PNLIPRP1: variants seen among roughly 807,000 people sequenced by gnomAD.
The protein encoded by PNLIPRP1 is pancreatic lipase related protein 1, also known as inactive pancreatic lipase-related protein 1.
A neutral mutation model predicts 54.6 loss-of-function variants in PNLIPRP1; 57 were observed. That is an observed-to-expected ratio of 1.04 (90% confidence interval 0.84 to 1.30). The LOEUF is 1.30. Among genes scored for constraint, PNLIPRP1 ranks in the 50% most tolerant of loss-of-function variants. The pLI is 0.00. For synonymous variants in PNLIPRP1, 232 were observed against 208.8 expected (o/e 1.11, Z -0.96); for missense variants, 567 against 568.5 (o/e 1.00, Z 0.03).
chr10:116,605,442 T>A lies in PNLIPRP1; in HGVS notation c.1229T>A (p.Val410Asp), dbSNP rs555905474. 1 of 1,611,820 alleles carries A rather than the reference T, an allele frequency of 6.2e-7. No homozygotes were observed. The highest frequency in any genetic ancestry group is 2.2e-5 in the East Asian group (1 of 44,830). The change falls in exon 12 of 13, where the codon GTT (valine) becomes GAT (aspartate). Residue 410 changes from valine to aspartate, a missense_variant. By Grantham distance (152) the Val-to-Asp change is radical. Transcript: ENST00000358834. ...TATGAGTTTGATGCAAAGCTGGATG[T>A]TGGAACAATTGAGAAAGTCAAGTTT... ...HSYEFDAKLD[V>D]GTIEKVKFLW...
chr10:116,600,237 T>C, intron 9 of PNLIPRP1, 72 bp downstream of exon 9: 1 of 942,164 alleles, frequency 1.1e-6, no homozygotes, highest in Admixed American at 1.8e-5. Context: ...GCGTTTGGGA[T>C]TTGCAATGCC....
At chr10:116,606,598 A>G (rs1279221469) in intron 12 of PNLIPRP1, among the ~76,000 whole-genome samples, 2 of 152,174 alleles carry the variant, frequency 1.3e-5, no homozygotes, top group African/African-American at 4.8e-5. Context: ...TGTGTGGTTA[A>G]AAACATGTCA....
chr10:116,591,609 G>A (rs7904002), intron 2 of PNLIPRP1, among the ~76,000 whole-genome samples, 162 bp from the exon 3 acceptor site: 27,312 of 152,074 alleles, frequency 0.18, 3,144 homozygotes, highest in African/African-American at 0.32. Context: ...CCAGTAGTAG[G>A]TGGGCACTGG....
At chr10:116,608,561 T>G (rs1847974630) in intron 12 of PNLIPRP1, among the ~76,000 whole-genome samples, 1 of 152,244 alleles carries the variant, frequency 6.6e-6, no homozygotes, top group South Asian at 2.1e-4. Context: ...CAGTTTCCTC[T>G]CCTGTAATGT....
chr10:116,591,071 C>A, intron 1 of PNLIPRP1, 59 bp from the exon 2 acceptor site: 1 of 1,363,270 alleles, frequency 7.3e-7, no homozygotes, highest in South Asian at 1.2e-5. Context: ...TCCAGGGCGT[C>A]GGTGCTCACT....
At position 116,591,788 on chromosome 10, in the gene PNLIPRP1, G is replaced by A. The variant is rs1236821563; in HGVS notation, c.67G>A (p.Glu23Lys). 2 of 1,614,176 alleles carry A rather than the reference G, an allele frequency of 1.2e-6. No individual in the cohort carries two copies. Among genetic ancestry groups the A allele is most frequent in the Non-Finnish European group, 1.7e-6 (2 of 1,180,040 alleles). Reference protein sequence around the residue: ...GAAKGKEVCYEDLGCFSDTEP... With the variant: ...GAAKGKEVCYKDLGCFSDTEP... ...CTCTGTAGGAAAAGAAGTTTGCTAT[G>A]AGGACCTCGGGTGCTTTTCTGACAC... Residue 23 changes from glutamate (E) to lysine (K), a missense_variant, in exon 3 of 13, where the codon GAG becomes AAG. Physicochemically the swap from Glu to Lys is moderately conservative, Grantham distance 56 (BLOSUM62 1). Transcript: ENST00000358834.
chr10:116,605,419 T>C lies in PNLIPRP1; in HGVS notation c.1206T>C (p.Tyr402=), dbSNP rs17095009. Residue 402 remains tyrosine (Y), a synonymous_variant, in exon 12 of 13, where the codon TAT becomes TAC. Transcript: ENST00000358834. ...GILKPGSTHS[Y]EFDAKLDVGT... Reference sequence around the variant, plus strand: ...TCAAACCAGGCTCAACCCATTCCTATGAGTTTGATGCAAAGCTGGATGTTG... The same window carrying C: ...TCAAACCAGGCTCAACCCATTCCTACGAGTTTGATGCAAAGCTGGATGTTG... 8,281 of 1,609,806 alleles carry C rather than the reference T, an allele frequency of 5.1e-3. 362 individuals carry two copies. The African/African-American group carries it at 0.098, about 19-fold the overall frequency.
chr10:116,600,152 A>G lies in PNLIPRP1; in HGVS notation c.920A>G (p.Lys307Arg). The G allele has an allele frequency of 1.2e-6, 2 of 1,603,988 alleles. No individual in the cohort carries two copies. Among genetic ancestry groups the G allele is most frequent in the Non-Finnish European group, 1.7e-6 (2 of 1,170,804 alleles). Residue 307 changes from lysine to arginine, a missense_variant, in exon 9 of 13, where the codon AAG (lysine) becomes AGG (arginine). Lys to Arg is a conservative substitution (Grantham distance 26, BLOSUM62 2). Transcript: ENST00000358834. The stretch of plus-strand genomic sequence containing the variant: ...GCTGCATATCCCTGCACTTCCTACA[A>G]GTCCTTTGAGTCTGTAAGCTATTGT... ...GFAAYPCTSYKSFESDKCFPC... is the reference protein window; with the variant it reads ...GFAAYPCTSYRSFESDKCFPC...
At chr10:116,593,559 A>G (rs1554863532) in intron 4 of PNLIPRP1, among the ~76,000 whole-genome samples, 1 of 152,034 alleles carries the variant, frequency 6.6e-6, no homozygotes, top group Admixed American at 6.6e-5. Flanking sequence ...CAGGCATTTC[A>G]CTCTTGGCAC....
At chr10:116,602,611 GAGAACCTGGCCCTGACC>G (rs1474315763) in intron 10 of PNLIPRP1, among the ~76,000 whole-genome samples, 1 of 152,220 alleles carries the variant, frequency 6.6e-6, no homozygotes, top group African/African-American at 2.4e-5. Flanking sequence ...TTATGGGACA[GAGAACCTGGCCCTGACC>G]AGAAGGAGGG....
intron 8 of PNLIPRP1, among the ~76,000 whole-genome samples, chr10:116,598,666 A>C (rs1847778159): frequency 6.6e-6 from 1 of 152,236 alleles, no homozygotes; most frequent in African/African-American, 2.4e-5. Context: ...TTGAGTAGGA[A>C]TGAGGAGCAA....
At position 116,597,955 on chromosome 10, in the gene PNLIPRP1, C is replaced by G. The variant is rs781860527; in HGVS notation, c.694+8C>G. The G allele has an allele frequency of 1.2e-6, 2 of 1,614,170 alleles. No individual in the cohort carries two copies. The highest frequency in any genetic ancestry group is 1.7e-6 in the Non-Finnish European group (2 of 1,180,014). ...CCCTGATCCCATTCTTGGGTGAGAC[C>G]TATGATGCTCCAGCTGTGAGCACGC... On this transcript the variant is annotated splice_region_variant and intron_variant, in intron 7 of 12. Transcript: ENST00000358834.
At chr10:116,602,931 G>T (rs1847872059) in intron 10 of PNLIPRP1, among the ~76,000 whole-genome samples, 1 of 57,744 alleles carries the variant, frequency 1.7e-5, no homozygotes, top group African/African-American at 4.7e-5. Context: ...ATGCATGTTT[G>T]TGTAGATGTA....
intron 12 of PNLIPRP1, 55 bp downstream of exon 12, chr10:116,605,608 A>G: frequency 6.9e-6 from 9 of 1,310,730 alleles, no homozygotes; most frequent in Non-Finnish European, 9.3e-6. Flanking sequence ...TCATGTTATA[A>G]TGAAAACCCA....
intron 12 of PNLIPRP1, among the ~76,000 whole-genome samples, chr10:116,607,179 G>A (rs1262058447): frequency 6.6e-6 from 1 of 152,018 alleles, no homozygotes; most frequent in Non-Finnish European, 1.5e-5. Context: ...CAATGACACA[G>A]TATCCAAAGA....
chr10:116,598,994 C>T (rs1046573275), intron 8 of PNLIPRP1, among the ~76,000 whole-genome samples: 1 of 152,172 alleles, frequency 6.6e-6, no homozygotes, highest in Non-Finnish European at 1.5e-5. Flanking sequence ...GTGGCTCACG[C>T]CTATAATCCC....
chr10:116,594,626 G>T (rs1847700963), intron 4 of PNLIPRP1, 104 bp from the exon 5 acceptor site: 1 of 1,238,730 alleles, frequency 8.1e-7, no homozygotes, highest in East Asian at 2.3e-5. Context: ...TTTATCTCAT[G>T]CCCTAGCTAG....
intron 10 of PNLIPRP1, among the ~76,000 whole-genome samples, chr10:116,602,440 A>G (rs1554864935): frequency 6.6e-6 from 1 of 152,238 alleles, no homozygotes; most frequent in Non-Finnish European, 1.5e-5. Flanking sequence ...CCAGGTATTC[A>G]TTCCTCAATC....
At chr10:116,591,699 C>T in intron 2 of PNLIPRP1, 72 bp from the exon 3 acceptor site, 37 of 1,480,848 alleles carry the variant, frequency 2.5e-5, no homozygotes, top group Non-Finnish European at 3.4e-5. Flanking sequence ...AGTGACCAGG[C>T]CCGAACAGCA....
Sources: gnomAD v4.1 joint callset for allele counts (sites outside exome capture counted in the v4.1 genomes callset) on GRCh38, gnomAD v4.1.1 for gene constraint, MANE v1.5 for transcripts, NCBI Gene and HGNC (gene_info 2026-07-23, HGNC 2026-07-21) for gene names.